KLF8: variants seen among roughly 807,000 people sequenced by gnomAD.
KLF8 encodes the protein KLF transcription factor 8.
Under a neutral mutation model 18.2 loss-of-function variants are expected in KLF8, and 10 were observed. The observed-to-expected ratio is 0.55, with a 90% CI of 0.34 to 0.93. KLF8 has a LOEUF of 0.93. KLF8 is among the 40% of genes least tolerant of loss of function. The probability of loss-of-function intolerance (pLI) is 0.02; values close to 1 mark genes in which losing one functional copy is unlikely to be tolerated. For missense variants in KLF8, 264 were observed against 277.9 expected (o/e 0.95, Z 0.36); for synonymous variants, 109 against 97.3 (o/e 1.12, Z -0.71).
At chrX:56,118,406 G>T in the KLF8 span, among the ~76,000 whole-genome samples, 7 of 111,261 alleles carry the variant, frequency 6.3e-5, no homozygotes, top group African/African-American at 2.3e-4. Flanking sequence ...ACCTTAAATG[G>T]TCTGAAATAG....
At chrX:55,979,850 G>A in the KLF8 span, among the ~76,000 whole-genome samples, 4 of 111,922 alleles carry the variant, frequency 3.6e-5, no homozygotes, top group Non-Finnish European at 5.6e-5. Flanking sequence ...AGTTAAAAAT[G>A]ACTCCCAGAT....
chrX:56,141,866 T>C, the KLF8 span, among the ~76,000 whole-genome samples: 1 of 111,862 alleles, frequency 8.9e-6, no homozygotes, highest in Non-Finnish European at 1.9e-5. Context: ...ATGCTGGGAA[T>C]CAAGCCAAAA....
At chrX:56,062,994 G>A in the KLF8 span, among the ~76,000 whole-genome samples, 1 of 110,656 alleles carries the variant, frequency 9.0e-6, no homozygotes, top group Non-Finnish European at 1.9e-5. Context: ...AAGTTCTCGT[G>A]CTGTGTTTTT....
At chrX:55,995,082 G>C in the KLF8 span, among the ~76,000 whole-genome samples, 1 of 112,003 alleles carries the variant, frequency 8.9e-6, no homozygotes, top group Admixed American at 9.4e-5. Context: ...GCATCTGAGT[G>C]CTCCAATGTT....
chrX:56,174,329 C>A, the KLF8 span, among the ~76,000 whole-genome samples: 1 of 111,627 alleles, frequency 9.0e-6, no homozygotes, highest in East Asian at 2.8e-4. Flanking sequence ...TTGTCAAAGG[C>A]CTTTTCTGCA....
the KLF8 span, among the ~76,000 whole-genome samples, chrX:56,185,370 A>T: frequency 1.8e-5 from 2 of 112,068 alleles, no homozygotes; most frequent in Non-Finnish European, 3.8e-5. Flanking sequence ...AATATGGGAC[A>T]ATGTGAAAAG....
chrX:55,959,134 A>G, the KLF8 span, among the ~76,000 whole-genome samples: 1 of 112,453 alleles, frequency 8.9e-6, no homozygotes, highest in Admixed American at 9.4e-5. Context: ...GGGTAAGAGT[A>G]TGCAGTCCAA....
intron 2 of KLF8, among the ~76,000 whole-genome samples, chrX:56,261,454 G>T (rs963052337): frequency 1.8e-5 from 2 of 111,719 alleles, no homozygotes; most frequent in African/African-American, 6.5e-5. Flanking sequence ...AATGAAGAAA[G>T]ATTACTTTAA....
the KLF8 span, among the ~76,000 whole-genome samples, chrX:56,086,558 G>A: frequency 9.0e-6 from 1 of 110,856 alleles, no homozygotes; most frequent in South Asian, 3.8e-4. Context: ...TTGTCTTAAA[G>A]CTTTTATGTT....
rs764729601 is a variant in KLF8, at chrX:56,265,389, T to C, written c.291T>C (p.Pro97=). The C allele has an allele frequency of 6.6e-6, 8 of 1,209,006 alleles. No homozygotes were observed. The African/African-American group carries it at 1.2e-4, about 19-fold the overall frequency. Residue 97 remains proline (P), a synonymous_variant, in exon 3 of 6, where the codon CCT becomes CCC. Coordinates refer to ENST00000468660, the MANE Select transcript of KLF8 (RefSeq NM_007250.5). ...TCTCCTTTCACAAGCCCAAGGCTCC[T>C]CTCCAGCCTGCTAGCATGCTACAAG... ...VDLSFHKPKA[P]LQPASMLQAP... is the part of the protein sequence containing the mutation.
At chrX:56,118,163 C>G in the KLF8 span, among the ~76,000 whole-genome samples, 1 of 111,705 alleles carries the variant, frequency 9.0e-6, no homozygotes, top group Non-Finnish European at 1.9e-5. Context: ...CAGACTATAG[C>G]AATTCCTAAT....
the KLF8 span, among the ~76,000 whole-genome samples, chrX:56,022,126 C>A: frequency 8.1e-5 from 9 of 110,993 alleles, no homozygotes; most frequent in East Asian, 2.0e-3. Flanking sequence ...GCAGTGAAAA[C>A]CTGTAGAATA....
chrX:56,061,328 T>A, the KLF8 span, among the ~76,000 whole-genome samples: 1 of 112,218 alleles, frequency 8.9e-6, no homozygotes, highest in Non-Finnish European at 1.9e-5. Flanking sequence ...CTCCAAACAC[T>A]GCTTTAGCTG....
chrX:56,226,343 T>G, the KLF8 span, among the ~76,000 whole-genome samples: 1 of 112,438 alleles, frequency 8.9e-6, no homozygotes, highest in Non-Finnish European at 1.9e-5. Context: ...TATATCATTA[T>G]TTACTTAATA....
chrX:56,156,192 C>T, the KLF8 span, among the ~76,000 whole-genome samples: 3 of 112,243 alleles, frequency 2.7e-5, no homozygotes, highest in Non-Finnish European at 5.6e-5. Context: ...TTATGTTCTT[C>T]TTTGATGTTA....
the KLF8 span, among the ~76,000 whole-genome samples, chrX:56,191,019 CA>C: frequency 1.8e-5 from 2 of 110,975 alleles, no homozygotes; most frequent in Non-Finnish European, 3.8e-5. Context: ...ATCAACTACA[CA>C]AAAATTGGTT....
chrX:56,079,697 T>C, the KLF8 span, among the ~76,000 whole-genome samples: 1 of 111,306 alleles, frequency 9.0e-6, no homozygotes, highest in African/African-American at 3.3e-5. Flanking sequence ...TGGGTATGGG[T>C]ATCCTTGTTG....
the KLF8 span, among the ~76,000 whole-genome samples, chrX:56,108,076 G>A: frequency 5.4e-5 from 6 of 111,877 alleles, no homozygotes; most frequent in Non-Finnish European, 1.1e-4. Context: ...AATTTGCTGA[G>A]TTTTGTTATT....
the KLF8 span, among the ~76,000 whole-genome samples, chrX:56,115,101 ATTATTTAT>A: frequency 1.8e-5 from 2 of 111,221 alleles, no homozygotes; most frequent in Non-Finnish European, 3.8e-5. Flanking sequence ...TTCTCTTAAA[ATTATTTAT>A]TTATTTATTT....
Sources: allele counts gnomAD v4.1 joint callset (sites outside exome capture counted in the v4.1 genomes callset), GRCh38; gene constraint gnomAD v4.1.1; transcripts MANE v1.5; gene names NCBI Gene and HGNC (gene_info 2026-07-23, HGNC 2026-07-21).